The following CEP83 variants were observed in gnomAD, a reference collection of about 807,000 sequenced individuals.
The protein encoded by CEP83 is centrosomal protein of 83 kDa.
A neutral mutation model predicts 101.9 loss-of-function variants in CEP83; 70 were observed. The observed-to-expected ratio is 0.69, with a 90% confidence interval of 0.57 to 0.84. CEP83 has a LOEUF of 0.84. CEP83 is among the 40% of genes least tolerant of loss of function. CEP83 has a pLI of 0.00. For synonymous variants in CEP83, 264 were observed against 267.9 expected (o/e 0.99, Z 0.14); for missense variants, 715 against 787.2 (o/e 0.91, Z 1.10).
At chr12:94,367,477 C>CATA (rs1174530133) in intron 11 of CEP83, among the ~76,000 whole-genome samples, 1 of 151,794 alleles carries the variant, frequency 6.6e-6, no homozygotes, top group Non-Finnish European at 1.5e-5. Flanking sequence ...TCAAAGTGTT[C>CATA]ATAAGTTCCA....
chr12:94,450,374 C>A (rs935675877), intron 1 of CEP83, among the ~76,000 whole-genome samples: 1 of 152,150 alleles, frequency 6.6e-6, no homozygotes, highest in African/African-American at 2.4e-5. Context: ...GCCTCAGCCT[C>A]CCGAGTAGCT....
chr12:94,422,200 A>C (rs1029407911), intron 2 of CEP83, among the ~76,000 whole-genome samples: 1 of 152,248 alleles, frequency 6.6e-6, no homozygotes, highest in Non-Finnish European at 1.5e-5. Flanking sequence ...ACAAGAACAG[A>C]ATGTGAAGTC....
intron 11 of CEP83, among the ~76,000 whole-genome samples, chr12:94,345,690 AAGGGG>A: frequency 6.6e-6 from 1 of 152,188 alleles, no homozygotes; most frequent in Non-Finnish European, 1.5e-5. Context: ...CGCATTTCTG[AAGGGG>A]TCCTGCCCCT....
At chr12:94,370,707 G>C (rs1477939540) in intron 8 of CEP83, among the ~76,000 whole-genome samples, 1 of 152,154 alleles carries the variant, frequency 6.6e-6, no homozygotes, top group Non-Finnish European at 1.5e-5. Context: ...AGTGTCCACA[G>C]CTGGATACAG....
the CEP83 span, among the ~76,000 whole-genome samples, chr12:94,268,588 CTTT>C: frequency 8.0e-4 from 73 of 90,872 alleles, no homozygotes; most frequent in African/African-American, 3.0e-3. Context: ...AGAATAAGAC[CTTT>C]TTTTTTTTTT....
At chr12:94,407,200 G>A (rs965264734) in intron 4 of CEP83, among the ~76,000 whole-genome samples, 1 of 152,032 alleles carries the variant, frequency 6.6e-6, no homozygotes. Context: ...AGGTGAAAGA[G>A]GAGAAAGAAA....
intron 11 of CEP83, among the ~76,000 whole-genome samples, chr12:94,352,672 C>T (rs2060257938): frequency 6.6e-6 from 1 of 151,900 alleles, no homozygotes; most frequent in African/African-American, 2.4e-5. Flanking sequence ...AAACAGAATC[C>T]TTGGAGCTGA....
Position 94,343,539 on chromosome 12 carries a change from G to A in CEP83, c.1344-7875C>T, listed in dbSNP as rs1204924463. On this transcript the variant is annotated intron_variant, in intron 11 of 16. Coordinates refer to ENST00000397809, the MANE Select transcript of CEP83 (RefSeq NM_016122.3). ...GCTCTGTCGCCCAGGCCGGACTGCG[G>A]ACTGCAGTGGCGCAATCTCGGCTCA... Among the ~76,000 whole-genome samples, 3 of 138,814 alleles carry A rather than the reference G, an allele frequency of 2.2e-5. No homozygotes were observed. The East Asian group carries it at 6.6e-4, about 30-fold the overall frequency. 91.1% of individuals were successfully genotyped at this position (138,814 alleles called of 152,430 possible). A position where few individuals can be genotyped will look rare whatever the true frequency, so the allele number is the denominator to read the frequency against.
the CEP83 span, chr12:94,298,627 T>C: frequency 1.3e-6 from 2 of 1,583,070 alleles, no homozygotes; most frequent in Non-Finnish European, 1.7e-6. Flanking sequence ...TTGTCTATCT[T>C]TCAGGTGGCA....
chr12:94,404,892 G>T (rs745307528), intron 4 of CEP83, among the ~76,000 whole-genome samples: 5 of 152,090 alleles, frequency 3.3e-5, no homozygotes, highest in Non-Finnish European at 7.4e-5. Flanking sequence ...ATACAAAAAG[G>T]ATATTGTACA....
At chr12:94,347,088 C>T (rs892458171) in intron 11 of CEP83, among the ~76,000 whole-genome samples, 5 of 150,144 alleles carry the variant, frequency 3.3e-5, no homozygotes, top group South Asian at 2.1e-4. Context: ...CACACACACA[C>T]ACACATACAC....
At chr12:94,413,408 G>A (rs2064034451) in intron 2 of CEP83, among the ~76,000 whole-genome samples, 1 of 152,162 alleles carries the variant, frequency 6.6e-6, no homozygotes. Flanking sequence ...TAAGCTTCAA[G>A]TATAGATCCT....
At chr12:94,344,862 A>G (rs1442250011) in intron 11 of CEP83, among the ~76,000 whole-genome samples, 2 of 152,210 alleles carry the variant, frequency 1.3e-5, no homozygotes, top group African/African-American at 2.4e-5. Context: ...TAGAAAAGCC[A>G]AAAGAATTTA....
At chr12:94,452,729 C>T (rs999445954) in intron 1 of CEP83, among the ~76,000 whole-genome samples, 55 of 151,852 alleles carry the variant, frequency 3.6e-4, no homozygotes, top group Middle Eastern at 3.4e-3. Flanking sequence ...AAGAATATGA[C>T]GGGGGATGGG....
the CEP83 span, among the ~76,000 whole-genome samples, chr12:94,270,283 A>G: frequency 2.6e-5 from 4 of 152,214 alleles, no homozygotes; most frequent in African/African-American, 9.7e-5. Flanking sequence ...ATAAAGTTCT[A>G]TTGGAACACC....
At chr12:94,377,340 A>G (rs1366852534) in intron 7 of CEP83, among the ~76,000 whole-genome samples, 3 of 152,142 alleles carry the variant, frequency 2.0e-5, no homozygotes, top group Non-Finnish European at 4.4e-5. Flanking sequence ...GCAGCTACCC[A>G]GCATTAAGAG....
chr12:94,392,280 A>G (rs2062595556), intron 6 of CEP83, among the ~76,000 whole-genome samples: 1 of 152,214 alleles, frequency 6.6e-6, no homozygotes, highest in Non-Finnish European at 1.5e-5. Flanking sequence ...AGAAATCACA[A>G]CAAATTGTCT....
At chr12:94,379,472 A>T (rs2061719010) in intron 6 of CEP83, among the ~76,000 whole-genome samples, 1 of 152,168 alleles carries the variant, frequency 6.6e-6, no homozygotes, top group Non-Finnish European at 1.5e-5. Context: ...AGGGCAACTT[A>T]ATTCACACAA....
the CEP83 span, among the ~76,000 whole-genome samples, chr12:94,276,384 G>A: frequency 6.6e-6 from 1 of 151,954 alleles, no homozygotes; most frequent in Non-Finnish European, 1.5e-5. Flanking sequence ...CCACTGGTGT[G>A]GGGAATTTAG....
Sources: gnomAD v4.1 joint callset for allele counts (sites outside exome capture counted in the v4.1 genomes callset) on GRCh38, gnomAD v4.1.1 for gene constraint, MANE v1.5 for transcripts, NCBI Gene and HGNC (gene_info 2026-07-23, HGNC 2026-07-21) for gene names.